ZFHX3: variants seen among roughly 807,000 people sequenced by gnomAD.
ZFHX3 encodes the protein zinc finger homeobox protein 3.
ZFHX3 carries 42 observed loss-of-function variants against 279.1 expected under a neutral mutation model. The ratio of observed to expected loss-of-function variants is 0.15; its 90% CI spans 0.12 to 0.19. The LOEUF (loss-of-function observed/expected upper bound fraction) is 0.19. Among genes scored for constraint, ZFHX3 ranks in the 10% least tolerant of loss-of-function variants. The pLI is 1.00. For synonymous variants in ZFHX3, 2,293 were observed against 1,957.8 expected (o/e 1.17, Z -4.52); for missense variants, 4,981 against 4,754.0 (o/e 1.05, Z -1.40).
chr16:73,210,773 G>C (rs1406489446), intron 5 of ZFHX3, among the ~76,000 whole-genome samples: 1 of 152,144 alleles, frequency 6.6e-6, no homozygotes, highest in Non-Finnish European at 1.5e-5. Context: ...GGGAACAAGA[G>C]AGATGGCAGA....
intron 3 of ZFHX3, among the ~76,000 whole-genome samples, chr16:73,320,888 C>A (rs1449061890): frequency 6.6e-6 from 1 of 152,146 alleles, no homozygotes; most frequent in Non-Finnish European, 1.5e-5. Context: ...GGACACATGG[C>A]AGAAGATGAG....
intron 5 of ZFHX3, among the ~76,000 whole-genome samples, chr16:73,174,616 C>T (rs1028589252): frequency 6.6e-6 from 1 of 152,104 alleles, no homozygotes; most frequent in African/African-American, 2.4e-5. Context: ...GGCCCAGTCA[C>T]ATCTCCTCTT....
In ZFHX3 at chr16:73,721,206, C is replaced by T. The variant is rs144101209; in HGVS notation, c.-1607-40966G>A. 6.2e-3 allele frequency among the ~76,000 whole-genome samples: 943 copies of T among 152,260 alleles called. 11 individuals carry two copies. The highest frequency in any genetic ancestry group is 0.022 in the African/African-American group (908 of 41,548). On this transcript the variant is annotated intron_variant, in intron 1 of 17. Transcript: ENST00000641206. Reference sequence around the variant, plus strand: ...GCGGGATCTCGGCTCACTGCAACTTCCGCCTCCCGGGTTCAAGCGATTGTC... The same window carrying T: ...GCGGGATCTCGGCTCACTGCAACTTTCGCCTCCCGGGTTCAAGCGATTGTC...
At chr16:72,810,617 T>C (rs1190313204) in intron 7 of ZFHX3, among the ~76,000 whole-genome samples, 2 of 152,258 alleles carry the variant, frequency 1.3e-5, no homozygotes. Context: ...TTTATAGTGG[T>C]CACTTAGGGG....
chr16:73,773,532 T>G (rs988491535), intron 1 of ZFHX3, among the ~76,000 whole-genome samples: 1 of 152,098 alleles, frequency 6.6e-6, no homozygotes, highest in Admixed American at 6.6e-5. Context: ...TCCATTCCAG[T>G]GGATGAGAGA....
At chr16:73,421,985 A>G (rs555576323) in intron 3 of ZFHX3, among the ~76,000 whole-genome samples, 6 of 152,292 alleles carry the variant, frequency 3.9e-5, no homozygotes, top group African/African-American at 4.8e-5. Context: ...ACAACATACA[A>G]TAAGACCTGG....
intron 3 of ZFHX3, among the ~76,000 whole-genome samples, chr16:72,945,801 G>A (rs1960639880): frequency 6.6e-6 from 1 of 152,050 alleles, no homozygotes; most frequent in Non-Finnish European, 1.5e-5. Context: ...ACGGGAGGGA[G>A]GAAGGGGACG....
Position 72,804,499 on chromosome 16 carries a change from C to A in ZFHX3, c.3865-4370G>T, listed in dbSNP as rs1306586526. ...CTCCCCAGAAGGAAATCCATGTACTCAAGTGAACTGCCCTTGATCTACTAG... is the reference window on the plus strand; with the variant it reads ...CTCCCCAGAAGGAAATCCATGTACTAAAGTGAACTGCCCTTGATCTACTAG... On this transcript the variant is annotated intron_variant, in intron 7 of 9. Coordinates refer to ENST00000268489, the MANE Select transcript of ZFHX3 (RefSeq NM_006885.4). 2.0e-5 allele frequency among the ~76,000 whole-genome samples: 3 copies of A among 152,338 alleles called. No individual in the cohort carries two copies. In the East Asian group the frequency reaches 5.8e-4, roughly 29 times the overall value.
At chr16:73,824,201 G>A (rs1363549741) in intron 1 of ZFHX3, among the ~76,000 whole-genome samples, 1 of 152,164 alleles carries the variant, frequency 6.6e-6, no homozygotes, top group African/African-American at 2.4e-5. Context: ...AAAAAGTTAT[G>A]TTGCGTGTCT....
intron 5 of ZFHX3, among the ~76,000 whole-genome samples, chr16:73,181,313 A>G (rs1386775933): frequency 1.3e-5 from 2 of 151,676 alleles, no homozygotes; most frequent in Non-Finnish European, 2.9e-5. Context: ...GTTGGTCTCC[A>G]TCTCCTGACC....
intron 4 of ZFHX3, among the ~76,000 whole-genome samples, chr16:72,873,160 C>T (rs1160185617): frequency 6.6e-6 from 1 of 152,196 alleles, no homozygotes; most frequent in Non-Finnish European, 1.5e-5. Context: ...GTATTTTTCA[C>T]ATCCTTCCAA....
chr16:73,768,387 T>A (rs2053978343), intron 1 of ZFHX3, among the ~76,000 whole-genome samples: 1 of 152,222 alleles, frequency 6.6e-6, no homozygotes, highest in Non-Finnish European at 1.5e-5. Flanking sequence ...TGAACTTTTA[T>A]GTTATTACTC....
At chr16:73,650,843 G>A (rs758535900) in intron 2 of ZFHX3, among the ~76,000 whole-genome samples, 5 of 151,894 alleles carry the variant, frequency 3.3e-5, no homozygotes, top group Non-Finnish European at 7.4e-5. Flanking sequence ...TGATTTTCAA[G>A]GACATTAAAT....
chr16:73,105,312 TACACACACATAC>T (rs1198268298), intron 7 of ZFHX3, among the ~76,000 whole-genome samples: 6 of 144,248 alleles, frequency 4.2e-5, no homozygotes, highest in Admixed American at 2.1e-4. Flanking sequence ...TACATATATA[TACACACACATAC>T]ACACACACAC....
upstream of ZFHX3, chr16:73,062,178 TACATTA>T (rs1188860993): frequency 6.6e-6 from 1 of 152,216 alleles, no homozygotes; most frequent in Non-Finnish European, 1.5e-5. Context: ...TTAAGACATT[TACATTA>T]GGAGGGAAAG....
In ZFHX3 at chr16:73,451,477, C is replaced by T. The variant is rs558576160; in HGVS notation, c.-1291+4526G>A. Among the ~76,000 whole-genome samples the T allele has an allele frequency of 6.6e-5, 10 of 152,256 alleles. No homozygotes were observed. In the East Asian group the frequency reaches 1.9e-3, roughly 29 times the overall value. ...TATCTGAAGGCATCTAGTCAACGCA[C>T]TAAATATCCTGTTAACATTGATAAG... On this transcript the variant is annotated intron_variant, in intron 3 of 17. Transcript: ENST00000641206.
intron 2 of ZFHX3, among the ~76,000 whole-genome samples, chr16:73,659,292 A>C (rs1237631849): frequency 6.6e-6 from 1 of 152,162 alleles, no homozygotes; most frequent in African/African-American, 2.4e-5. Context: ...TGCAAAAACA[A>C]CCTTGTCTGC....
intron 3 of ZFHX3, among the ~76,000 whole-genome samples, chr16:73,385,739 G>A (rs2016890473): frequency 6.6e-6 from 1 of 152,230 alleles, no homozygotes; most frequent in Non-Finnish European, 1.5e-5. Context: ...CTTACAGGCT[G>A]GGGTACTCAC....
intron 1 of ZFHX3, among the ~76,000 whole-genome samples, chr16:73,735,634 G>C (rs1272030109): frequency 6.6e-6 from 1 of 152,110 alleles, no homozygotes; most frequent in African/African-American, 2.4e-5. Context: ...ACCAAACAAT[G>C]ACATCTTGCT....
Sources: allele counts gnomAD v4.1 joint callset (sites outside exome capture counted in the v4.1 genomes callset), GRCh38; gene constraint gnomAD v4.1.1; transcripts MANE v1.5; gene names NCBI Gene and HGNC (gene_info 2026-07-23, HGNC 2026-07-21).